Variants in UBE2D2 observed in about 807,000 individuals in gnomAD.
UBE2D2 encodes ubiquitin-conjugating enzyme E2 D2.
In UBE2D2, 2 loss-of-function variants were observed where a neutral mutation model predicts 24.2. That is an observed-to-expected ratio of 0.08 (90% CI 0.03 to 0.26). The LOEUF is 0.26. UBE2D2 is among the 10% of genes least tolerant of loss of function. UBE2D2 has a pLI of 1.00. For missense variants in UBE2D2, 44 were observed against 177.6 expected, an observed-to-expected ratio of 0.25 and a Z score of 4.28; for synonymous variants, 58 against 56.5, an observed-to-expected ratio of 1.03 and a Z score of -0.12.
chr5:139,538,849 A>C (rs1752719959), intron 1 of UBE2D2, among the ~76,000 whole-genome samples: 1 of 151,622 alleles, frequency 6.6e-6, no homozygotes, highest in Non-Finnish European at 1.5e-5. Flanking sequence ...TAGCCAGGGC[A>C]ACAAGAGCAA....
chr5:139,555,209 C>A (rs1396767259), intron 1 of UBE2D2, among the ~76,000 whole-genome samples: 2 of 151,986 alleles, frequency 1.3e-5, no homozygotes, highest in African/African-American at 4.8e-5. Flanking sequence ...CCACACCTGG[C>A]TAATTTTTGT....
chr5:139,593,803 A>T (rs896819962), intron 1 of UBE2D2, among the ~76,000 whole-genome samples: 1 of 152,028 alleles, frequency 6.6e-6, no homozygotes, highest in Non-Finnish European at 1.5e-5. Context: ...TTTTGTGGAG[A>T]TAGAGTCTTA....
intron 1 of UBE2D2, among the ~76,000 whole-genome samples, chr5:139,571,895 C>T (rs1753359149): frequency 6.6e-6 from 1 of 151,412 alleles, no homozygotes; most frequent in Non-Finnish European, 1.5e-5. Flanking sequence ...ACTAACTCCT[C>T]TTAGCATCCA....
intron 5 of UBE2D2, among the ~76,000 whole-genome samples, chr5:139,621,705 C>A (rs1460982467): frequency 6.6e-6 from 1 of 152,122 alleles, no homozygotes; most frequent in Non-Finnish European, 1.5e-5. Flanking sequence ...TCAATACAGC[C>A]TTAACCTCTT....
At chr5:139,549,652 G>A (rs1302896534) in intron 1 of UBE2D2, among the ~76,000 whole-genome samples, 1 of 152,224 alleles carries the variant, frequency 6.6e-6, no homozygotes, top group Non-Finnish European at 1.5e-5. Flanking sequence ...TCGCGGGGCT[G>A]GAGACTCCCC....
chr5:139,544,934 G>A (rs865868507), intron 1 of UBE2D2, among the ~76,000 whole-genome samples: 4 of 151,892 alleles, frequency 2.6e-5, no homozygotes, highest in Middle Eastern at 3.4e-3. Flanking sequence ...GCATCACCAC[G>A]CCCGGCTAAT....
chr5:139,549,348 A>C (rs1752874806), intron 1 of UBE2D2, among the ~76,000 whole-genome samples: 1 of 152,064 alleles, frequency 6.6e-6, no homozygotes, highest in Non-Finnish European at 1.5e-5. Flanking sequence ...GTGGAGGGAG[A>C]GGCCCAGGCA....
At chr5:139,598,002 C>CA (rs1173173696) in intron 1 of UBE2D2, among the ~76,000 whole-genome samples, 3 of 152,102 alleles carry the variant, frequency 2.0e-5, no homozygotes, top group Non-Finnish European at 4.4e-5. Context: ...CCCGGGTTCA[C>CA]ACCATTCTTC....
At chr5:139,605,612 A>AAAAAAAAAAAAAAAAC (rs1754181372) in intron 2 of UBE2D2, among the ~76,000 whole-genome samples, 1 of 149,914 alleles carries the variant, frequency 6.7e-6, no homozygotes, top group Non-Finnish European at 1.5e-5. Context: ...AAAAAAAAAA[A>AAAAAAAAAAAAAAAAC]AAGAAAAGAA....
chr5:139,567,677 G>A (rs1004207710), intron 1 of UBE2D2, among the ~76,000 whole-genome samples: 15 of 151,642 alleles, frequency 9.9e-5, no homozygotes, highest in East Asian at 3.9e-4. Flanking sequence ...GGGACTACAG[G>A]CATGCACCCC....
At chr5:139,606,616 AT>A (rs1407541623) in intron 2 of UBE2D2, among the ~76,000 whole-genome samples, 3 of 152,104 alleles carry the variant, frequency 2.0e-5, no homozygotes, top group African/African-American at 7.2e-5. Flanking sequence ...CTGGGAACTT[AT>A]TTTTGTTTTT....
chr5:139,537,496 G>A (rs1018735100), intron 1 of UBE2D2, among the ~76,000 whole-genome samples: 45 of 151,664 alleles, frequency 3.0e-4, no homozygotes, highest in South Asian at 1.9e-3. Context: ...GTTTTGTTTT[G>A]AGACAGTCTC....
At chr5:139,563,986 G>A (rs1753164749) in intron 1 of UBE2D2, among the ~76,000 whole-genome samples, 1 of 151,906 alleles carries the variant, frequency 6.6e-6, no homozygotes, top group Non-Finnish European at 1.5e-5. Flanking sequence ...TATGTGTAAC[G>A]GACTTTTTCA....
At chr5:139,553,157 A>C (rs1211861970) in intron 1 of UBE2D2, among the ~76,000 whole-genome samples, 1 of 152,180 alleles carries the variant, frequency 6.6e-6, no homozygotes, top group African/African-American at 2.4e-5. Flanking sequence ...CATCTTACAG[A>C]GTCTAGAATG....
intron 5 of UBE2D2, among the ~76,000 whole-genome samples, chr5:139,620,389 G>T (rs1754493752): frequency 6.6e-6 from 1 of 152,164 alleles, no homozygotes; most frequent in African/African-American, 2.4e-5. Context: ...ATATTTAGAA[G>T]AATAAGTTAA....
In UBE2D2 at chr5:139,626,966, CAACA is replaced by C; in HGVS notation, c.*169_*172del. On this transcript the variant is annotated 3_prime_UTR_variant, in exon 7 of 7. Coordinates refer to ENST00000398733, the MANE Select transcript of UBE2D2 (RefSeq NM_003339.3). ...TGCTGCGTGTTGTACATACTTGGAA[CAACA>C]AACTAGAAATACTGTACTTCTGTAC... 1.7e-6 allele frequency: 1 copy of C among 586,908 alleles called. No homozygotes were observed. The highest frequency in any genetic ancestry group is 3.0e-6 in the Non-Finnish European group (1 of 334,396). 36.4% of individuals were successfully genotyped at this position (586,908 alleles called of 1,614,324 possible). A position where few individuals can be genotyped will look rare whatever the true frequency, so the allele number is the denominator to read the frequency against.
intron 1 of UBE2D2, among the ~76,000 whole-genome samples, chr5:139,537,752 C>A (rs959943364): frequency 1.3e-5 from 2 of 151,782 alleles, no homozygotes. Context: ...ATCACGAGGT[C>A]AGGAGATTGA....
intron 1 of UBE2D2, among the ~76,000 whole-genome samples, chr5:139,530,772 C>A (rs1362117799): frequency 6.6e-6 from 1 of 152,160 alleles, no homozygotes; most frequent in Non-Finnish European, 1.5e-5. Context: ...AAAACTGGCA[C>A]ATGTACCTGT....
chr5:139,625,357 C>T (rs1754597582), intron 6 of UBE2D2, among the ~76,000 whole-genome samples: 1 of 147,150 alleles, frequency 6.8e-6, no homozygotes. Context: ...TCAAGCAGGC[C>T]TTCTGCCTCA....
Sources: allele counts gnomAD v4.1 joint callset (sites outside exome capture counted in the v4.1 genomes callset), GRCh38; gene constraint gnomAD v4.1.1; transcripts MANE v1.5; gene names NCBI Gene and HGNC (gene_info 2026-07-23, HGNC 2026-07-21).